Variants in RFTN1 observed in about 807,000 individuals in gnomAD.
RFTN1 encodes the protein raftlin, lipid raft linker 1, also known as raftlin.
A neutral mutation model predicts 46.5 loss-of-function variants in RFTN1; 26 were observed. The ratio of observed to expected loss-of-function variants is 0.56; its 90% CI spans 0.41 to 0.78. The LOEUF (loss-of-function observed/expected upper bound fraction) is 0.78, where lower values mean the gene tolerates loss of function less well. Ranked by LOEUF, RFTN1 falls within the 30% of genes least tolerant of loss-of-function variation. The pLI is 0.00. For missense variants in RFTN1, 693 were observed against 718.7 expected (o/e 0.96, Z 0.41); for synonymous variants, 261 against 284.2 (o/e 0.92, Z 0.82).
rs2074014567 is a variant in RFTN1, at chr3:16,382,207, G to A, written c.442-4105C>T. ...ATTAACTTTTCAAAGGCTTGGCAGA[G>A]GCTGCCAAGTTGTTTACCAAAAAGG... On this transcript the variant is annotated intron_variant, in intron 4 of 9. Transcript: ENST00000334133. The surrounding 1 kb of genome is among the most constrained non-coding windows in gnomAD (Gnocchi z 4.7). 6.6e-6 allele frequency among the ~76,000 whole-genome samples: 1 copy of A among 152,142 alleles called. No homozygotes were observed. The highest frequency in any genetic ancestry group is 2.4e-5 in the African/African-American group (1 of 41,402).
chr3:16,391,858 G>GTTTTTTTTT lies in RFTN1; in HGVS notation c.442-13765_442-13757dup, dbSNP rs1272551461. 4.5e-4 allele frequency among the ~76,000 whole-genome samples: 22 copies of GTTTTTTTTT among 49,150 alleles called. 2 individuals are homozygous for GTTTTTTTTT. Among genetic ancestry groups the GTTTTTTTTT allele is most frequent in the Middle Eastern group, 9.8e-3 (1 of 102 alleles). The allele number at this position is 49,150 out of a possible 152,430, so 32.2% of individuals were successfully genotyped here. On this transcript the variant is annotated intron_variant, in intron 4 of 9. Coordinates refer to ENST00000334133, the MANE Select transcript of RFTN1 (RefSeq NM_015150.2). The stretch of plus-strand genomic sequence containing the variant: ...TAGAGATTATCATTCTAGTGCAAAG[G>GTTTTTTTTT]TTTTTTTTTTGTTTTTTTTTTTTGT...
intron 6 of RFTN1, among the ~76,000 whole-genome samples, chr3:16,362,097 C>T (rs114971475): frequency 3.0e-4 from 46 of 152,352 alleles, no homozygotes; most frequent in African/African-American, 8.7e-4. Context: ...CTTGGGTCCT[C>T]ATTCCAGAAT....
chr3:16,488,652 G>A lies in RFTN1; in HGVS notation c.145+5073C>T, dbSNP rs117253290. Among the ~76,000 whole-genome samples, 208 of 151,990 alleles carry A rather than the reference G, an allele frequency of 1.4e-3. 7 individuals carry two copies. The East Asian group carries it at 0.028, about 21-fold the overall frequency. On this transcript the variant is annotated intron_variant, in intron 2 of 9. Transcript: ENST00000334133. ...TTCCAGTTGGTGTTAATGCCTATTT[G>A]TGTCGCATCTTGCAGTCTGGCATCA...
chr3:16,513,514 G>A lies in RFTN1; in HGVS notation c.-81C>T, dbSNP rs1693767689. The A allele has an allele frequency of 6.6e-6, 1 of 152,290 alleles. No homozygotes were observed. Among genetic ancestry groups the A allele is most frequent in the African/African-American group, 2.4e-5 (1 of 41,440 alleles). 9.4% of individuals were successfully genotyped at this position (152,290 alleles called of 1,614,324 possible). A position where few individuals can be genotyped will look rare whatever the true frequency, so the allele number is the denominator to read the frequency against. Reference sequence around the variant, plus strand: ...CAGCGTGTTCCGTCCCGGGAGGAAAGTTTGTGCCATACAGAGGAGGCGGCG... The same window carrying A: ...CAGCGTGTTCCGTCCCGGGAGGAAAATTTGTGCCATACAGAGGAGGCGGCG... On this transcript the variant is annotated 5_prime_UTR_variant, in exon 1 of 10. Coordinates refer to ENST00000334133, the MANE Select transcript of RFTN1 (RefSeq NM_015150.2). The surrounding 1 kb of genome is among the most constrained non-coding windows in gnomAD (Gnocchi z 5.4).
chr3:16,319,775 G>A (rs190497636), intron 9 of RFTN1, among the ~76,000 whole-genome samples: 1 of 152,294 alleles, frequency 6.6e-6, no homozygotes, highest in East Asian at 1.9e-4. Flanking sequence ...AATTCAAAAA[G>A]GAGACGTCTC....
chr3:16,371,009 G>C (rs1463545821), intron 5 of RFTN1: 1 of 152,194 alleles, frequency 6.6e-6, no homozygotes, highest in Non-Finnish European at 1.5e-5. Flanking sequence ...GTGCAGCTGG[G>C]CGTGGCTTAG....
rs1324822334 is a variant in RFTN1, at chr3:16,334,956, C to A, written c.1147-8080G>T. Among the ~76,000 whole-genome samples, 1 of 152,150 alleles carries A rather than the reference C, an allele frequency of 6.6e-6. No individual in the cohort carries two copies. The highest frequency in any genetic ancestry group is 6.5e-5 in the Admixed American group (1 of 15,286). On this transcript the variant is annotated intron_variant, in intron 7 of 9. Transcript: ENST00000334133. The surrounding 1 kb of genome is among the most constrained non-coding windows in gnomAD (Gnocchi z 4.3). ...AGGCTGGAGTGATGCAGGGAAGGGG[C>A]CACGAGCCAAGGAACATGGGCAGCT...
At position 16,387,726 on chromosome 3, in the gene RFTN1, G is replaced by A. The variant is rs971956804; in HGVS notation, c.442-9624C>T. Among the ~76,000 whole-genome samples the A allele has an allele frequency of 5.9e-5, 9 of 151,906 alleles. No homozygotes were observed. The highest frequency in any genetic ancestry group is 1.2e-4 in the Non-Finnish European group (8 of 67,928). The stretch of plus-strand genomic sequence containing the variant: ...GTAAGCAAGCCTCGTCCACCCACCC[G>A]CCTCACCGACTCCACCTCCACTCAC... On this transcript the variant is annotated intron_variant, in intron 4 of 9. Coordinates refer to ENST00000334133, the MANE Select transcript of RFTN1 (RefSeq NM_015150.2). This position sits in a 1 kb window ranked among gnomAD's most constrained non-coding sequence, Gnocchi z 5.2.
At chr3:16,395,727 T>C (rs574827101) in intron 4 of RFTN1, among the ~76,000 whole-genome samples, 3 of 152,330 alleles carry the variant, frequency 2.0e-5, no homozygotes, top group Non-Finnish European at 4.4e-5. Flanking sequence ...ATGAAAGCAA[T>C]ATGAAATATT....
rs559252182 is a variant in RFTN1 at position 16,341,691 on chromosome 3, T to G, written c.1147-14815A>C. On this transcript the variant is annotated intron_variant, in intron 7 of 9. Coordinates refer to ENST00000334133, the MANE Select transcript of RFTN1 (RefSeq NM_015150.2). This position sits in a 1 kb window ranked among gnomAD's most constrained non-coding sequence, Gnocchi z 4.7. ...GAATTACTATACAAGAGCAAGAAAATTGAAGTCAGCAAAAACCCACCAATG... is the reference window on the plus strand; with the variant it reads ...GAATTACTATACAAGAGCAAGAAAAGTGAAGTCAGCAAAAACCCACCAATG... Among the ~76,000 whole-genome samples, 2 of 152,174 alleles carry G rather than the reference T, an allele frequency of 1.3e-5. No individual in the cohort carries two copies. The highest frequency in any genetic ancestry group is 3.9e-4 in the East Asian group (2 of 5,186).
intron 6 of RFTN1, among the ~76,000 whole-genome samples, chr3:16,369,469 T>C (rs1325789231): frequency 2.0e-5 from 3 of 152,242 alleles, no homozygotes; most frequent in Admixed American, 1.3e-4. Flanking sequence ...TAAAGCCTTT[T>C]CTTTGTTTGA....
chr3:16,382,820 C>T lies in RFTN1; in HGVS notation c.442-4718G>A, dbSNP rs1187312180. ...CCAAGCTCACTTTATTTCAAGCCCT[C>T]ATCATCTGTTGCTGGACATCACCAT... On this transcript the variant is annotated intron_variant, in intron 4 of 9. Coordinates refer to ENST00000334133, the MANE Select transcript of RFTN1 (RefSeq NM_015150.2). The surrounding 1 kb of genome is among the most constrained non-coding windows in gnomAD (Gnocchi z 4.7). 3.3e-5 allele frequency among the ~76,000 whole-genome samples: 5 copies of T among 152,186 alleles called. No individual in the cohort carries two copies. The highest frequency in any genetic ancestry group is 7.3e-5 in the Non-Finnish European group (5 of 68,036).
At chr3:16,369,881 A>T (rs2073421774) in intron 6 of RFTN1, among the ~76,000 whole-genome samples, 195 bp downstream of exon 6, 1 of 152,232 alleles carries the variant, frequency 6.6e-6, no homozygotes, top group Admixed American at 6.5e-5. Flanking sequence ...GCTGACTCGT[A>T]GAGAGGTTTT....
chr3:16,332,414 CTTCT>C (rs977443461), intron 7 of RFTN1, among the ~76,000 whole-genome samples: 6 of 84,276 alleles, frequency 7.1e-5, no homozygotes, highest in Admixed American at 2.5e-4. Flanking sequence ...CTTTTGATTG[CTTCT>C]TTTTTTTTTT....
rs553652739 is a variant in RFTN1, at chr3:16,443,470, C to T, written c.146-9433G>A. Among the ~76,000 whole-genome samples, 1 of 152,066 alleles carries T rather than the reference C, an allele frequency of 6.6e-6. No homozygotes were observed. Among genetic ancestry groups the T allele is most frequent in the Non-Finnish European group, 1.5e-5 (1 of 68,018 alleles). ...GCTGAATGAGTTCTGAAATACTATT[C>T]TTAATACCTTAATTAAACCATGGAT... On this transcript the variant is annotated intron_variant, in intron 2 of 9. Transcript: ENST00000334133. This position sits in a 1 kb window ranked among gnomAD's most constrained non-coding sequence, Gnocchi z 5.5.
At chr3:16,377,623 T>A in intron 5 of RFTN1, 95 bp downstream of exon 5, 1 of 1,503,828 alleles carries the variant, frequency 6.6e-7, no homozygotes, top group Non-Finnish European at 8.9e-7. Context: ...ACACTCTAAA[T>A]TCCATTCCTT....
intron 2 of RFTN1, among the ~76,000 whole-genome samples, chr3:16,492,899 T>G (rs2076561742): frequency 6.6e-6 from 1 of 152,224 alleles, no homozygotes; most frequent in African/African-American, 2.4e-5. Context: ...AATGCTCTGA[T>G]GCTGATGCTG....
rs1270856357 is a variant in RFTN1 at position 16,384,389 on chromosome 3, C to T, written c.442-6287G>A. The stretch of plus-strand genomic sequence containing the variant: ...CCTGACTAGGCATGAAATAAAAGTT[C>T]GGTACAGGCTCCCAAATGACAGTGA... On this transcript the variant is annotated intron_variant, in intron 4 of 9. Transcript: ENST00000334133. The surrounding 1 kb of genome is among the most constrained non-coding windows in gnomAD (Gnocchi z 4.7). Among the ~76,000 whole-genome samples, 4 of 152,180 alleles carry T rather than the reference C, an allele frequency of 2.6e-5. No individual in the cohort carries two copies. The highest frequency in any genetic ancestry group is 1.3e-4 in the Admixed American group (2 of 15,290).
At chr3:16,434,339 C>CATAG (rs1182806490) in intron 2 of RFTN1, among the ~76,000 whole-genome samples, 2 of 151,086 alleles carry the variant, frequency 1.3e-5, no homozygotes, top group Non-Finnish European at 2.9e-5. Context: ...GCCTGGGCAA[C>CATAG]ATAGTAAAAC....
Sources: allele counts gnomAD v4.1 joint callset (sites outside exome capture counted in the v4.1 genomes callset), GRCh38; gene constraint gnomAD v4.1.1; non-coding constraint Gnocchi (gnomAD v3.1); transcripts MANE v1.5; gene names NCBI Gene and HGNC (gene_info 2026-07-23, HGNC 2026-07-21).